Variants in HSD17B12 observed in about 807,000 individuals in gnomAD.
HSD17B12 encodes the protein hydroxysteroid 17-beta dehydrogenase 12, also known as very-long-chain 3-oxoacyl-CoA reductase.
In HSD17B12, 32 loss-of-function variants were observed where a neutral mutation model predicts 39.3. That is an observed-to-expected ratio of 0.81 (90% CI 0.61 to 1.09). HSD17B12 has a LOEUF of 1.09. HSD17B12 is among the 50% of genes least tolerant of loss of function. HSD17B12 has a pLI of 0.00. For synonymous variants in HSD17B12, 150 were observed against 146.7 expected (o/e 1.02, Z -0.16); for missense variants, 342 against 382.9 (o/e 0.89, Z 0.89).
chr11:43,719,321 T>C (rs570295877), intron 1 of HSD17B12, among the ~76,000 whole-genome samples: 2 of 152,292 alleles, frequency 1.3e-5, no homozygotes, highest in African/African-American at 4.8e-5. Flanking sequence ...CACTCCACCA[T>C]GTTTGATCAC....
At chr11:43,577,971 G>A in the HSD17B12 span, among the ~76,000 whole-genome samples, 33 of 152,334 alleles carry the variant, frequency 2.2e-4, no homozygotes, top group African/African-American at 7.9e-4. Context: ...CAGACACTTT[G>A]GCCGAATCTG....
chr11:43,650,184 T>C, the HSD17B12 span, among the ~76,000 whole-genome samples: 30,993 of 152,144 alleles, frequency 0.2, 4,056 homozygotes, highest in Admixed American at 0.36. Flanking sequence ...TGTTTGATAA[T>C]GGGTACAATT....
chr11:43,766,225 C>CAATTAGTAGACTACT (rs1379701019), intron 3 of HSD17B12, among the ~76,000 whole-genome samples: 149 of 152,294 alleles, frequency 9.8e-4, no homozygotes, highest in African/African-American at 3.4e-3. Context: ...ACGAGTTCCT[C>CAATTAGTAGACTACT]AATTAGTAGA....
intron 1 of HSD17B12, among the ~76,000 whole-genome samples, chr11:43,729,072 G>A (rs1210800774): frequency 6.6e-6 from 1 of 152,046 alleles, no homozygotes; most frequent in Non-Finnish European, 1.5e-5. Context: ...TGTAAACAGT[G>A]CTGCCACATA....
the HSD17B12 span, among the ~76,000 whole-genome samples, chr11:43,643,908 C>T: frequency 6.6e-6 from 1 of 152,268 alleles, no homozygotes; most frequent in African/African-American, 2.4e-5. Context: ...AGTTAAGTGT[C>T]CCCTTTTCAA....
the HSD17B12 span, among the ~76,000 whole-genome samples, chr11:43,619,164 G>GATATAT: frequency 8.1e-5 from 5 of 61,948 alleles, no homozygotes; most frequent in South Asian, 5.4e-4. Context: ...GTATATATAT[G>GATATAT]ATATATATAT....
chr11:43,617,202 G>T, the HSD17B12 span, among the ~76,000 whole-genome samples: 7 of 152,128 alleles, frequency 4.6e-5, no homozygotes, highest in South Asian at 1.2e-3. Context: ...ATGGACAAAA[G>T]TTGATGAGTG....
intron 3 of HSD17B12, among the ~76,000 whole-genome samples, chr11:43,794,179 A>G (rs1565092006): frequency 6.6e-6 from 1 of 152,224 alleles, no homozygotes; most frequent in African/African-American, 2.4e-5. Flanking sequence ...CACAACTGTA[A>G]GTAGTGGGAT....
intron 4 of HSD17B12, among the ~76,000 whole-genome samples, chr11:43,806,018 G>A (rs574136970): frequency 1.3e-5 from 2 of 152,294 alleles, no homozygotes; most frequent in Non-Finnish European, 2.9e-5. Flanking sequence ...AAACCATAGG[G>A]CAAGGTCTGC....
chr11:43,576,774 G>A, the HSD17B12 span, among the ~76,000 whole-genome samples: 4 of 152,124 alleles, frequency 2.6e-5, no homozygotes, highest in Non-Finnish European at 5.9e-5. Context: ...GCGTGTGTAT[G>A]TGTATAATGA....
chr11:43,664,022 G>A, the HSD17B12 span, among the ~76,000 whole-genome samples: 5 of 151,854 alleles, frequency 3.3e-5, no homozygotes, highest in African/African-American at 1.2e-4. Context: ...GCTAATTTCT[G>A]TATTTTTAGT....
chr11:43,727,301 G>A (rs1010887037), intron 1 of HSD17B12, among the ~76,000 whole-genome samples: 5 of 152,202 alleles, frequency 3.3e-5, no homozygotes, highest in African/African-American at 1.2e-4. Flanking sequence ...GTGATTTTCA[G>A]TAGGTGTTTC....
chr11:43,824,277 A>G (rs1334361001), intron 6 of HSD17B12, among the ~76,000 whole-genome samples: 1 of 152,194 alleles, frequency 6.6e-6, no homozygotes. Context: ...CTTCTGTTCC[A>G]GGTGACTCCA....
At chr11:43,840,172 T>C (rs1951411935) in intron 9 of HSD17B12, 108 bp downstream of exon 9, 6 of 820,340 alleles carry the variant, frequency 7.3e-6, no homozygotes, top group Non-Finnish European at 1.2e-5. Context: ...AGTAAGTGAA[T>C]GTGACATTAG....
At chr11:43,809,805 C>T (rs1000435650) in intron 4 of HSD17B12, among the ~76,000 whole-genome samples, 25 of 152,130 alleles carry the variant, frequency 1.6e-4, no homozygotes, top group African/African-American at 4.8e-4. Context: ...GCAACATGAG[C>T]GAAATTCTGT....
intron 6 of HSD17B12, chr11:43,829,710 T>C (rs1001807753): frequency 5.3e-5 from 8 of 152,026 alleles, no homozygotes; most frequent in Admixed American, 2.0e-4. Flanking sequence ...CACATACACC[T>C]GGGTAAAGAC....
the HSD17B12 span, among the ~76,000 whole-genome samples, chr11:43,654,442 T>G: frequency 1.3e-5 from 2 of 152,096 alleles, no homozygotes; most frequent in Non-Finnish European, 1.5e-5. Flanking sequence ...GCCATTGCTT[T>G]TGGTGTTTTA....
intron 1 of HSD17B12, among the ~76,000 whole-genome samples, chr11:43,737,528 AT>A (rs1350735445): frequency 3.3e-5 from 5 of 152,076 alleles, no homozygotes; most frequent in African/African-American, 9.7e-5. Context: ...CTAGTGTTAT[AT>A]TTGTGTATGA....
chr11:43,624,588 A>G, the HSD17B12 span, among the ~76,000 whole-genome samples: 1 of 151,838 alleles, frequency 6.6e-6, no homozygotes, highest in Non-Finnish European at 1.5e-5. Flanking sequence ...GTAGACATTG[A>G]TAGATATTAA....
Sources: allele counts gnomAD v4.1 joint callset (sites outside exome capture counted in the v4.1 genomes callset), GRCh38; gene constraint gnomAD v4.1.1; transcripts MANE v1.5; gene names NCBI Gene and HGNC (gene_info 2026-07-23, HGNC 2026-07-21).